The following TNS1 variants were observed in gnomAD, a reference collection of about 807,000 sequenced individuals.
TNS1 encodes tensin-1.
In TNS1, 62 loss-of-function variants were observed where a neutral mutation model predicts 168.6. That is an observed-to-expected ratio of 0.37 (90% CI 0.30 to 0.45). The LOEUF is 0.45. Ranked by LOEUF, TNS1 falls within the 20% of genes least tolerant of loss-of-function variation. TNS1 has a pLI of 1.00. For synonymous variants in TNS1, 934 were observed against 933.2 expected, an observed-to-expected ratio of 1.00 and a Z score of -0.02; for missense variants, 2,240 against 2,339.4, an observed-to-expected ratio of 0.96 and a Z score of 0.88.
At chr2:218,004,630 G>A (rs994728209), upstream of TNS1, among the ~76,000 whole-genome samples, 118 of 152,266 alleles carry the variant, frequency 7.7e-4, 7 homozygotes, top group South Asian at 4.1e-4. Flanking sequence ...TGGTGGTTCT[G>A]AGAAGTCAGG....
intron 22 of TNS1, among the ~76,000 whole-genome samples, chr2:217,823,850 G>A (rs938315969): frequency 6.6e-6 from 1 of 152,206 alleles, no homozygotes; most frequent in Admixed American, 6.5e-5. Flanking sequence ...CATGTAGGCA[G>A]TGCCAGCAAG....
intron 4 of TNS1, among the ~76,000 whole-genome samples, chr2:217,913,627 C>T (rs1274079644): frequency 1.3e-5 from 2 of 152,156 alleles, no homozygotes; most frequent in African/African-American, 4.8e-5. Flanking sequence ...AGACTCCCAG[C>T]TCTAACACCC....
At chr2:218,023,886 C>T (rs1042637722) in intron 1 of TNS1, among the ~76,000 whole-genome samples, 20 of 151,990 alleles carry the variant, frequency 1.3e-4, no homozygotes, top group Non-Finnish European at 2.9e-4. Flanking sequence ...CTGAAACAGC[C>T]CCCTCCCCCT....
chr2:217,828,440 G>A (rs1042645892), intron 22 of TNS1, among the ~76,000 whole-genome samples: 9 of 152,198 alleles, frequency 5.9e-5, no homozygotes, highest in East Asian at 1.9e-4. Context: ...CCAGCCAATC[G>A]GCCCAGGGCC....
At chr2:217,845,525 T>C (rs150268037) in intron 19 of TNS1, among the ~76,000 whole-genome samples, 4 of 152,342 alleles carry the variant, frequency 2.6e-5, no homozygotes, top group Admixed American at 2.6e-4. Flanking sequence ...TTCATAGACC[T>C]GGGAGCCAAA....
At chr2:217,908,957 CCTAATCCTAACCCA>C (rs1954019340) in intron 4 of TNS1, among the ~76,000 whole-genome samples, 1 of 152,218 alleles carries the variant, frequency 6.6e-6, no homozygotes, top group African/African-American at 2.4e-5. Flanking sequence ...TCAGCTCAGC[CCTAATCCTAACCCA>C]CTAATCCCCT....
intron 18 of TNS1, 66 bp from the exon 19 acceptor site, chr2:217,849,153 T>G (rs1947125865): frequency 6.5e-7 from 1 of 1,533,590 alleles, no homozygotes; most frequent in African/African-American, 1.4e-5. Context: ...AGGGGTATCA[T>G]CCACTCTGCC....
At chr2:217,920,349 C>A in intron 3 of TNS1, 113 bp from the exon 4 acceptor site, 1 of 685,230 alleles carries the variant, frequency 1.5e-6, no homozygotes. Flanking sequence ...CACGGGCTGA[C>A]ACCTTCTGGG....
At chr2:218,020,689 C>G (rs1018562202) in intron 1 of TNS1, among the ~76,000 whole-genome samples, 3 of 152,204 alleles carry the variant, frequency 2.0e-5, no homozygotes, top group Non-Finnish European at 4.4e-5. Flanking sequence ...GAGTTAAAGG[C>G]CTGGGGGCTA....
chr2:217,850,003 C>G, intron 18 of TNS1: 1 of 985,442 alleles, frequency 1.0e-6, no homozygotes, highest in African/African-American at 1.7e-5. Context: ...ATGCTGCCCA[C>G]TGCCACATTT....
In TNS1 at chr2:217,970,558, A is replaced by G. The variant is rs138509991; in HGVS notation, c.186+8207T>C. Among the ~76,000 whole-genome samples the G allele has an allele frequency of 2.1e-3, 315 of 152,350 alleles. 1 individual carries two copies. The highest frequency in any genetic ancestry group is 7.0e-3 in the African/African-American group (290 of 41,578). ...GGCTACACTCATATAATGGAATATT[A>G]CTCAACCATAAAAAGGGAGCTACAG... On this transcript the variant is annotated intron_variant, in intron 3 of 32. Transcript: ENST00000682258.
intron 3 of TNS1, among the ~76,000 whole-genome samples, chr2:217,946,138 A>G (rs936149374): frequency 2.0e-5 from 3 of 152,268 alleles, no homozygotes; most frequent in East Asian, 1.9e-4. Context: ...TTTGACGGTC[A>G]GGCCTTTCTC....
chr2:218,008,098 G>A (rs1359626883), intron 1 of TNS1, among the ~76,000 whole-genome samples: 5 of 152,092 alleles, frequency 3.3e-5, no homozygotes, highest in African/African-American at 2.4e-5. Context: ...CAGCTGACAC[G>A]AGAAGGAGCC....
intron 18 of TNS1, among the ~76,000 whole-genome samples, chr2:217,875,096 T>C (rs1950099297): frequency 6.6e-6 from 1 of 152,206 alleles, no homozygotes; most frequent in African/African-American, 2.4e-5. Flanking sequence ...GCAGGAGCAG[T>C]GTGCAAGCCA....
chr2:217,893,394 G>A (rs747532788), intron 10 of TNS1, 45 bp downstream of exon 10: 88 of 1,510,342 alleles, frequency 5.8e-5, no homozygotes, highest in Middle Eastern at 4.2e-4. Context: ...GCGCATGTGC[G>A]CGCGCGCACA....
intron 18 of TNS1, chr2:217,849,556 G>T: frequency 1.4e-6 from 1 of 720,752 alleles, no homozygotes; most frequent in Non-Finnish European, 1.7e-6. Flanking sequence ...TTCCTGGCAC[G>T]TGATGGGAGT....
intron 3 of TNS1, among the ~76,000 whole-genome samples, chr2:217,973,674 A>G (rs1957825015): frequency 2.0e-5 from 3 of 152,208 alleles, no homozygotes; most frequent in South Asian, 2.1e-4. Context: ...GAAGGCCCCT[A>G]TGCCAAGGTG....
At chr2:217,885,987 G>T in intron 14 of TNS1, 57 bp downstream of exon 14, 2 of 1,597,436 alleles carry the variant, frequency 1.3e-6, no homozygotes, top group South Asian at 2.2e-5. Context: ...CTTCTGACCT[G>T]GTCCTTAGCC....
chr2:217,835,951 T>C, intron 20 of TNS1, 64 bp downstream of exon 20: 3 of 1,430,368 alleles, frequency 2.1e-6, no homozygotes, highest in Non-Finnish European at 2.9e-6. Context: ...ACCATCAGGT[T>C]TCTGGAGATT....
Sources: gnomAD v4.1 joint callset for allele counts (sites outside exome capture counted in the v4.1 genomes callset) on GRCh38, gnomAD v4.1.1 for gene constraint, MANE v1.5 for transcripts, NCBI Gene and HGNC (gene_info 2026-07-23, HGNC 2026-07-21) for gene names.